Variants in PBX1 observed in about 807,000 individuals in gnomAD.
PBX1 encodes the protein PBX homeobox 1.
In PBX1, 6 loss-of-function variants were observed where a neutral mutation model predicts 53.4. The observed-to-expected ratio is 0.11, with a 90% confidence interval of 0.06 to 0.22. The LOEUF is 0.22. PBX1 is among the 10% of genes least tolerant of loss of function. The pLI, the probability that PBX1 is intolerant of heterozygous loss-of-function variation, is 1.00. For missense variants in PBX1, 251 were observed against 551.4 expected (o/e 0.46, Z 5.46); for synonymous variants, 204 against 212.3 (o/e 0.96, Z 0.34).
intron 8 of PBX1, chr1:164,828,406 C>G (rs759661745): frequency 6.6e-6 from 1 of 152,196 alleles, no homozygotes; most frequent in Non-Finnish European, 1.5e-5. Context: ...AGGGCATCTT[C>G]CAATGCCAGT....
chr1:164,812,509 G>A (rs967387780), intron 6 of PBX1, among the ~76,000 whole-genome samples: 7 of 152,146 alleles, frequency 4.6e-5, no homozygotes, highest in African/African-American at 1.2e-4. Context: ...CATTTGGCCT[G>A]TTTTATATAA....
At chr1:164,844,513 A>G (rs1442001533) in intron 8 of PBX1, among the ~76,000 whole-genome samples, 1 of 152,214 alleles carries the variant, frequency 6.6e-6, no homozygotes, top group Non-Finnish European at 1.5e-5. Flanking sequence ...TATATGTGTC[A>G]TCAAAGCTGA....
intron 2 of PBX1, among the ~76,000 whole-genome samples, chr1:164,688,616 A>C (rs567063813): frequency 2.6e-5 from 4 of 152,196 alleles, no homozygotes; most frequent in African/African-American, 9.6e-5. Flanking sequence ...CCCCACTCAC[A>C]CCAGGGCCAT....
chr1:164,592,717 G>A (rs925880989), intron 2 of PBX1, among the ~76,000 whole-genome samples: 7 of 152,190 alleles, frequency 4.6e-5, no homozygotes, highest in Admixed American at 1.3e-4. Flanking sequence ...AGGTGTCAGG[G>A]CTTATTGCTC....
intron 2 of PBX1, among the ~76,000 whole-genome samples, chr1:164,679,642 T>G (rs1661637790): frequency 6.6e-6 from 1 of 152,166 alleles, no homozygotes; most frequent in Admixed American, 6.5e-5. Flanking sequence ...GTATTGAATC[T>G]TAAGAAAAAG....
intron 6 of PBX1, chr1:164,818,795 G>T (rs917538102): frequency 2.7e-5 from 4 of 147,144 alleles, no homozygotes; most frequent in Admixed American, 6.7e-5. Context: ...CATTTGTTAA[G>T]TGGTCCTTCT....
At chr1:164,767,589 C>T (rs1001730521) in intron 2 of PBX1, among the ~76,000 whole-genome samples, 1 of 151,586 alleles carries the variant, frequency 6.6e-6, no homozygotes, top group Non-Finnish European at 1.5e-5. Flanking sequence ...TAAGTCATCC[C>T]CAAAGAATTC....
chr1:164,775,785 A>G (rs545652014), intron 2 of PBX1, among the ~76,000 whole-genome samples: 74 of 152,278 alleles, frequency 4.9e-4, no homozygotes, highest in Admixed American at 2.2e-3. Context: ...TTAATGGTGT[A>G]AGGATGGGGT....
intron 2 of PBX1, among the ~76,000 whole-genome samples, chr1:164,582,638 G>T (rs972316519): frequency 6.6e-6 from 1 of 152,056 alleles, no homozygotes; most frequent in African/African-American, 2.4e-5. Context: ...GGTCAGGTTG[G>T]TCTGGAGCTC....
At chr1:164,688,775 C>G (rs1662276266) in intron 2 of PBX1, among the ~76,000 whole-genome samples, 1 of 152,206 alleles carries the variant, frequency 6.6e-6, no homozygotes, top group South Asian at 2.1e-4. Flanking sequence ...TGATTGTCAT[C>G]CTCAGATGTG....
chr1:164,756,408 G>C (rs1666525266), intron 2 of PBX1, among the ~76,000 whole-genome samples: 2 of 152,146 alleles, frequency 1.3e-5, no homozygotes, highest in African/African-American at 4.8e-5. Context: ...AATTGGAAAA[G>C]TTGTTTTTTT....
chr1:164,824,386 ATT>A (rs1670317682), intron 8 of PBX1, among the ~76,000 whole-genome samples: 1 of 152,216 alleles, frequency 6.6e-6, no homozygotes, highest in African/African-American at 2.4e-5. Flanking sequence ...GGGGACAGTA[ATT>A]CCCACCCTTT....
At position 164,559,635 on chromosome 1, in the gene PBX1, AT is replaced by A; in HGVS notation, c.-187del. The A allele has an allele frequency of 9.1e-6, 1 of 109,566 alleles. No individual in the cohort carries two copies. The highest frequency in any genetic ancestry group is 1.5e-5 in the Non-Finnish European group (1 of 65,044). 6.8% of individuals were successfully genotyped at this position (109,566 alleles called of 1,614,324 possible). ...ACGCCCCCTCCCCCTCCCCCTCCTC[AT>A]CCTCCCACCATCCTCTAAAGAGGCA... On this transcript the variant is annotated 5_prime_UTR_variant, in exon 1 of 9. Transcript: ENST00000420696.
chr1:164,561,626 A>C (rs1653050798), intron 1 of PBX1, among the ~76,000 whole-genome samples: 1 of 152,192 alleles, frequency 6.6e-6, no homozygotes, highest in Non-Finnish European at 1.5e-5. Context: ...AAGTTTGTGA[A>C]GTGGAAGGGG....
chr1:164,660,193 A>G (rs909857582), intron 2 of PBX1, among the ~76,000 whole-genome samples: 1 of 152,242 alleles, frequency 6.6e-6, no homozygotes, highest in African/African-American at 2.4e-5. Context: ...GTAGAAAACA[A>G]GGTTTAAGCA....
chr1:164,845,971 C>T (rs1671551316), intron 8 of PBX1, among the ~76,000 whole-genome samples: 1 of 152,146 alleles, frequency 6.6e-6, no homozygotes, highest in Non-Finnish European at 1.5e-5. Context: ...CAATGGGACT[C>T]TACCATTTAT....
intron 2 of PBX1, among the ~76,000 whole-genome samples, chr1:164,666,121 G>C (rs183273045): frequency 6.6e-6 from 1 of 152,152 alleles, no homozygotes; most frequent in Non-Finnish European, 1.5e-5. Flanking sequence ...CCTGGGTACC[G>C]TTCACTATTC....
At chr1:164,676,975 CT>C (rs200039272) in intron 2 of PBX1, among the ~76,000 whole-genome samples, 4 of 151,542 alleles carry the variant, frequency 2.6e-5, no homozygotes, top group South Asian at 2.1e-4. Flanking sequence ...TAGTTTCTAC[CT>C]TTTTTTTTCC....
intron 2 of PBX1, among the ~76,000 whole-genome samples, chr1:164,678,576 C>A (rs1446800468): frequency 6.6e-6 from 1 of 152,208 alleles, no homozygotes; most frequent in Non-Finnish European, 1.5e-5. Flanking sequence ...AACCAGTCAT[C>A]CAGCTGCCAC....
Sources: allele counts gnomAD v4.1 joint callset (sites outside exome capture counted in the v4.1 genomes callset), GRCh38; gene constraint gnomAD v4.1.1; transcripts MANE v1.5; gene names NCBI Gene and HGNC (gene_info 2026-07-23, HGNC 2026-07-21).